Variants in IKZF2 observed in about 807,000 individuals in gnomAD.
IKZF2 encodes the protein zinc finger protein Helios.
A neutral mutation model predicts 49.2 loss-of-function variants in IKZF2; 15 were observed. The observed-to-expected ratio is 0.30, with a 90% CI of 0.20 to 0.47. The LOEUF (loss-of-function observed/expected upper bound fraction) is 0.47. Ranked by LOEUF, IKZF2 falls within the 20% of genes least tolerant of loss-of-function variation. The pLI, the probability that IKZF2 is intolerant of heterozygous loss-of-function variation, is 1.00. For synonymous variants in IKZF2, 227 were observed against 221.4 expected, an observed-to-expected ratio of 1.03 and a Z score of -0.23; for missense variants, 567 against 664.6, an observed-to-expected ratio of 0.85 and a Z score of 1.61.
At chr2:213,121,218 C>T (rs1273040961) in intron 4 of IKZF2, among the ~76,000 whole-genome samples, 1 of 152,056 alleles carries the variant, frequency 6.6e-6, no homozygotes, top group African/African-American at 2.4e-5. Context: ...TAGTTTTATG[C>T]TTTCTGATTC....
intron 4 of IKZF2, among the ~76,000 whole-genome samples, chr2:213,117,227 G>A (rs999696010): frequency 1.3e-5 from 2 of 152,044 alleles, no homozygotes; most frequent in African/African-American, 2.4e-5. Flanking sequence ...CAAGCCTTAC[G>A]AGATACTGCC....
At chr2:213,008,684 T>C (rs1217961081) in intron 8 of IKZF2, among the ~76,000 whole-genome samples, 1 of 152,130 alleles carries the variant, frequency 6.6e-6, no homozygotes, top group Non-Finnish European at 1.5e-5. Context: ...CTCACTTGAA[T>C]AGAGCTCAAG....
intron 4 of IKZF2, among the ~76,000 whole-genome samples, chr2:213,099,920 T>C (rs1381642472): frequency 6.6e-6 from 1 of 152,154 alleles, no homozygotes; most frequent in Admixed American, 6.6e-5. Context: ...GTAAAGGCTC[T>C]ACTGCTTTAG....
chr2:213,104,991 C>T (rs1232002756), intron 4 of IKZF2, among the ~76,000 whole-genome samples: 1 of 152,098 alleles, frequency 6.6e-6, no homozygotes, highest in Non-Finnish European at 1.5e-5. Context: ...CTATGTGGAG[C>T]CAACAACAAA....
At chr2:213,125,677 C>G (rs2060235830) in intron 4 of IKZF2, among the ~76,000 whole-genome samples, 2 of 152,054 alleles carry the variant, frequency 1.3e-5, no homozygotes, top group Admixed American at 1.3e-4. Flanking sequence ...AATGAATGAA[C>G]AAGAATATCA....
rs189104359 is a variant in IKZF2 at position 213,014,012 on chromosome 2, C to T, written c.713-78G>A. 4,237 of 1,350,672 alleles carry T rather than the reference C, an allele frequency of 3.1e-3. 107 individuals are homozygous for T. The Admixed American group carries it at 0.048, about 15-fold the overall frequency. The allele number at this position is 1,350,672 out of a possible 1,614,324, so 83.7% of individuals were successfully genotyped here. On this transcript the variant is annotated intron_variant, in intron 7 of 8. Coordinates refer to ENST00000434687, the MANE Select transcript of IKZF2 (RefSeq NM_001387220.1). ...TGATACAAAGCTGGATATGCCATCTCGATATGTGTTATAAAAGCTAGTATG... is the reference window on the plus strand; with the variant it reads ...TGATACAAAGCTGGATATGCCATCTTGATATGTGTTATAAAAGCTAGTATG...
intron 4 of IKZF2, among the ~76,000 whole-genome samples, chr2:213,126,612 T>C (rs2060267797): frequency 4.6e-5 from 7 of 152,018 alleles, no homozygotes; most frequent in Admixed American, 3.9e-4. Flanking sequence ...TAAATGATGG[T>C]AAAAAGGAGA....
intron 5 of IKZF2, among the ~76,000 whole-genome samples, chr2:213,051,033 A>G (rs186045669): frequency 6.6e-6 from 1 of 152,168 alleles, no homozygotes; most frequent in Non-Finnish European, 1.5e-5. Flanking sequence ...TCTAATTTTA[A>G]TAGTTTTTCA....
intron 4 of IKZF2, among the ~76,000 whole-genome samples, chr2:213,060,772 A>G (rs1701605332): frequency 6.6e-6 from 1 of 151,534 alleles, no homozygotes; most frequent in African/African-American, 2.4e-5. Context: ...GATGTTTCTT[A>G]TACTTCAGTT....
chr2:213,118,172 A>G (rs1242164018), intron 4 of IKZF2, among the ~76,000 whole-genome samples: 1 of 152,352 alleles, frequency 6.6e-6, no homozygotes, highest in East Asian at 1.9e-4. Flanking sequence ...TGGACACCAC[A>G]ATAGAAACAC....
At position 213,074,742 on chromosome 2, in the gene IKZF2, G is replaced by T. The variant is rs575449120; in HGVS notation, c.140-17643C>A. On this transcript the variant is annotated intron_variant, in intron 4 of 8. Coordinates refer to ENST00000434687, the MANE Select transcript of IKZF2 (RefSeq NM_001387220.1). ...TGTACTTTGGTCTTTGCCAAGTTTT[G>T]CTACAGTAATAGAATGCCAAATTTT... 1.2e-4 allele frequency among the ~76,000 whole-genome samples: 19 copies of T among 152,150 alleles called. 1 individual carries two copies. Among genetic ancestry groups the T allele is most frequent in the Middle Eastern group, 3.4e-3 (1 of 294 alleles).
intron 6 of IKZF2, among the ~76,000 whole-genome samples, chr2:213,032,688 C>A (rs114623409): frequency 1.4e-3 from 215 of 152,262 alleles, no homozygotes; most frequent in African/African-American, 5.1e-3. Flanking sequence ...ACAGTCAAGG[C>A]TACAGTCAGT....
Position 213,022,006 on chromosome 2 carries a change from G to C in IKZF2, c.699C>G (p.Val233=), listed in dbSNP as rs755465701. ...GTTTCTACCCACCATGGTGACTCATGACCTGCCCAGCAGCCTCCATGCTGA... is the reference window on the plus strand; with the variant it reads ...GTTTCTACCCACCATGGTGACTCATCACCTGCCCAGCAGCCTCCATGCTGA... ...QNVSMEAAGQ[V]MSHHVPPMED... is the part of the protein sequence containing the mutation. Residue 233 remains valine, a synonymous_variant, in exon 7 of 9, where the codon GTC becomes GTG. Transcript: ENST00000434687. 13 of 1,612,274 alleles carry C rather than the reference G, an allele frequency of 8.1e-6. No homozygotes were observed. Among genetic ancestry groups the C allele is most frequent in the African/African-American group, 1.3e-5 (1 of 74,824 alleles).
intron 6 of IKZF2, among the ~76,000 whole-genome samples, chr2:213,033,666 G>GTTTAA (rs149481499): frequency 2.3e-5 from 1 of 44,138 alleles, no homozygotes; most frequent in African/African-American, 4.3e-5. Context: ...TAAACAATAG[G>GTTTAA]CTTATTCACT....
chr2:213,121,746 AT>A (rs1305546265), intron 4 of IKZF2, among the ~76,000 whole-genome samples: 1 of 152,228 alleles, frequency 6.6e-6, no homozygotes, highest in Non-Finnish European at 1.5e-5. Context: ...ATTATTACAT[AT>A]TTGTACAAAA....
intron 4 of IKZF2, among the ~76,000 whole-genome samples, chr2:213,083,896 T>C (rs533323357): frequency 1.3e-5 from 2 of 151,998 alleles, no homozygotes; most frequent in South Asian, 2.1e-4. Flanking sequence ...TATTTCATTA[T>C]ATATAACAAT....
chr2:213,100,720 A>G (rs1006754647), intron 4 of IKZF2, among the ~76,000 whole-genome samples: 2 of 152,000 alleles, frequency 1.3e-5, no homozygotes, highest in Admixed American at 6.6e-5. Context: ...TCTAACTACA[A>G]TATACTTAGG....
chr2:213,073,562 C>T (rs139451568), intron 4 of IKZF2, among the ~76,000 whole-genome samples: 3 of 152,202 alleles, frequency 2.0e-5, no homozygotes, highest in African/African-American at 7.2e-5. Flanking sequence ...AAAGAGGTAA[C>T]ACTACAAGAA....
intron 4 of IKZF2, 25 bp from the exon 5 acceptor site, chr2:213,057,124 A>T: frequency 1.3e-6 from 2 of 1,595,202 alleles, no homozygotes; most frequent in Non-Finnish European, 1.7e-6. Context: ...GAAGAAAATA[A>T]ATTTTAAATA....
Sources: allele counts gnomAD v4.1 joint callset (sites outside exome capture counted in the v4.1 genomes callset), GRCh38; gene constraint gnomAD v4.1.1; transcripts MANE v1.5; gene names NCBI Gene and HGNC (gene_info 2026-07-23, HGNC 2026-07-21).